EVC2: variants seen among roughly 807,000 people sequenced by gnomAD.
EVC2 encodes limbin.
In EVC2, 148 loss-of-function variants were observed where a neutral mutation model predicts 149.3. The ratio of observed to expected loss-of-function variants is 0.99; its 90% CI spans 0.87 to 1.14. EVC2 has a LOEUF of 1.14. Ranked by LOEUF, EVC2 falls within the 50% of genes most tolerant of loss-of-function variation. EVC2 has a pLI of 0.00. For synonymous variants in EVC2, 776 were observed against 649.9 expected (o/e 1.19, Z -2.95); for missense variants, 1,854 against 1,627.3 (o/e 1.14, Z -2.40).
chr4:5,595,763 C>G (rs948787893), intron 16 of EVC2, among the ~76,000 whole-genome samples: 4 of 152,188 alleles, frequency 2.6e-5, no homozygotes, highest in Non-Finnish European at 4.4e-5. Flanking sequence ...AATTAAAAGA[C>G]ACAGACTGGC....
chr4:5,554,223 C>T (rs534598095), intron 21 of EVC2, among the ~76,000 whole-genome samples: 129 of 152,234 alleles, frequency 8.5e-4, no homozygotes, highest in African/African-American at 2.8e-3. Context: ...CAAAGCCAAC[C>T]ACTACCTCCA....
chr4:5,634,804 T>C (rs1264290588), intron 10 of EVC2, among the ~76,000 whole-genome samples: 1 of 151,906 alleles, frequency 6.6e-6, no homozygotes, highest in Non-Finnish European at 1.5e-5. Context: ...GGAGGTCATG[T>C]TTCCAAATGA....
At position 5,631,937 on chromosome 4, in the gene EVC2, A is replaced by T; in HGVS notation, c.1566T>A (p.Phe522Leu). The T allele has an allele frequency of 6.2e-7, 1 of 1,614,154 alleles. No individual in the cohort carries two copies. Among genetic ancestry groups the T allele is most frequent in the Non-Finnish European group, 8.5e-7 (1 of 1,180,012 alleles). ...KSLALQQEEDFAKAHRQLAVF... is the reference protein window; with the variant it reads ...KSLALQQEEDLAKAHRQLAVF... ...CAGCCAGCTGTCTGTGAGCTTTGGC[A>T]AAGTCTTCTTCTTGTTGCAAAGCGA... The change falls in exon 11 of 22, where the codon TTT becomes TTA. Residue 522 changes from phenylalanine (F) to leucine (L), a missense_variant. Phe to Leu is a conservative substitution (Grantham distance 22). Transcript: ENST00000344408.
chr4:5,541,527 C>T (rs544903654), downstream of EVC2, among the ~76,000 whole-genome samples: 28 of 152,292 alleles, frequency 1.8e-4, no homozygotes, highest in South Asian at 4.4e-3. Context: ...TTTGAAAGCA[C>T]GTGGCTTCCT....
At chr4:5,708,699 G>T (rs971721809), upstream of EVC2, 13 of 470,044 alleles carry the variant, frequency 2.8e-5, no homozygotes, top group Admixed American at 5.3e-4. Flanking sequence ...GAGGGGGAGA[G>T]CGAGTTGGCG....
intron 2 of EVC2, among the ~76,000 whole-genome samples, chr4:5,695,444 A>G (rs905779437): frequency 3.9e-5 from 6 of 152,192 alleles, no homozygotes; most frequent in Non-Finnish European, 8.8e-5. Context: ...TTGTGTGCAA[A>G]GCACAGGAAT....
At chr4:5,611,591 G>T (rs1217778468) in intron 16 of EVC2, among the ~76,000 whole-genome samples, 3 of 151,862 alleles carry the variant, frequency 2.0e-5, no homozygotes, top group Non-Finnish European at 4.4e-5. Flanking sequence ...AAAAACTAAA[G>T]AATAATTGAA....
rs1221185345 is a variant in EVC2, at chr4:5,708,362, TGGGGATCCCG to T, written c.142_151del (p.Asp49TrpfsTer9). The T allele has an allele frequency of 2.0e-6, 3 of 1,488,002 alleles. No individual in the cohort carries two copies. The highest frequency in any genetic ancestry group is 2.7e-6 in the Non-Finnish European group (3 of 1,125,656). The allele number at this position is 1,488,002 out of a possible 1,614,324, so 92.2% of individuals were successfully genotyped here. On this transcript the variant is annotated frameshift_variant, in exon 1 of 22. Coordinates refer to ENST00000344408, the MANE Select transcript of EVC2 (RefSeq NM_147127.5). LOFTEE classifies it high-confidence loss of function. ...GCCGGGCCCAGACCTAGGAGCCACC[TGGGGATCCCG>T]GGGTGGCTGCGCGCCGAGGGGGCGC...
chr4:5,674,165 G>A (rs1442395478), intron 7 of EVC2, among the ~76,000 whole-genome samples: 4 of 152,190 alleles, frequency 2.6e-5, no homozygotes, highest in Non-Finnish European at 4.4e-5. Flanking sequence ...GGGCAGCCCT[G>A]AGGGCAAAGA....
At chr4:5,616,848 A>T (rs753528030) in intron 15 of EVC2, among the ~76,000 whole-genome samples, 31 of 152,288 alleles carry the variant, frequency 2.0e-4, no homozygotes, top group Non-Finnish European at 3.2e-4. Context: ...CAGTGGCCAC[A>T]GCCATTTCCA....
At chr4:5,678,467 G>C (rs1167040718) in intron 7 of EVC2, among the ~76,000 whole-genome samples, 2 of 152,160 alleles carry the variant, frequency 1.3e-5, no homozygotes, top group Non-Finnish European at 2.9e-5. Context: ...ATTTTGCTTT[G>C]TATCTTTTCA....
intron 10 of EVC2, among the ~76,000 whole-genome samples, chr4:5,634,103 T>C (rs1716735881): frequency 6.6e-6 from 1 of 152,224 alleles, no homozygotes; most frequent in African/African-American, 2.4e-5. Context: ...AGTCAAAGGC[T>C]TTTATGTGCA....
intron 11 of EVC2, 78 bp downstream of exon 11, chr4:5,631,715 T>C: frequency 1.3e-6 from 2 of 1,584,870 alleles, no homozygotes; most frequent in Non-Finnish European, 1.7e-6. Context: ...GAGGCAGGAC[T>C]GAACTCTGAG....
At chr4:5,580,965 G>A (rs1711714622) in intron 17 of EVC2, among the ~76,000 whole-genome samples, 1 of 152,096 alleles carries the variant, frequency 6.6e-6, no homozygotes. Context: ...AAACTGTGTA[G>A]CACCTCCTCC....
chr4:5,640,686 T>C lies in EVC2; in HGVS notation c.1298A>G (p.Lys433Arg). ...QVERKMSAVF[K>R]KQFLLLENEI... is the part of the protein sequence containing the mutation. ...ATTTTCCAGCAATAGAAACTGCTTT[T>C]TGAAAACAGCACTCATTTTTCTCTC... is the stretch of plus-strand genomic sequence containing the variant. The change falls in exon 10 of 22, where the codon AAA (lysine) becomes AGA (arginine). Residue 433 changes from lysine to arginine, a missense_variant. Transcript: ENST00000344408. This position sits in a 1 kb window ranked among gnomAD's most constrained non-coding sequence, Gnocchi z 4.6. The C allele has an allele frequency of 1.2e-6, 2 of 1,614,158 alleles. No individual in the cohort carries two copies. The highest frequency in any genetic ancestry group is 1.7e-6 in the Non-Finnish European group (2 of 1,180,022).
intron 16 of EVC2, among the ~76,000 whole-genome samples, chr4:5,591,895 C>G (rs1240074393): frequency 6.6e-6 from 1 of 152,104 alleles, no homozygotes; most frequent in African/African-American, 2.4e-5. Context: ...ACTCTTTAAA[C>G]GAGAAGTTCA....
At position 5,638,400 on chromosome 4, in the gene EVC2, A is replaced by AC. The variant is rs72000428; in HGVS notation, c.1470+2113_1470+2114insG. Among the ~76,000 whole-genome samples the AC allele has an allele frequency of 3.4e-4, 51 of 151,860 alleles. No homozygotes were observed. The East Asian group carries it at 8.0e-3, about 24-fold the overall frequency. On this transcript the variant is annotated intron_variant, in intron 10 of 21. Coordinates refer to ENST00000344408, the MANE Select transcript of EVC2 (RefSeq NM_147127.5). ...TGAGACTCTATCTCAAAAAACAAAA[A>AC]AAAAAAAATTGTAACAGATTTAGGA...
At chr4:5,706,286 C>T (rs932099660) in intron 1 of EVC2, among the ~76,000 whole-genome samples, 2 of 57,854 alleles carry the variant, frequency 3.5e-5, no homozygotes, top group East Asian at 6.3e-4. Context: ...AGCAAAGGTG[C>T]AATAAATATA....
chr4:5,544,743 CTG>C (rs1721581126), intron 21 of EVC2, among the ~76,000 whole-genome samples: 1 of 152,164 alleles, frequency 6.6e-6, no homozygotes, highest in South Asian at 2.1e-4. Flanking sequence ...GTTACCAATA[CTG>C]TGGGGAAAAC....
Sources: gnomAD v4.1 joint callset for allele counts (sites outside exome capture counted in the v4.1 genomes callset) on GRCh38, gnomAD v4.1.1 for gene constraint, Gnocchi (gnomAD v3.1) non-coding constraint, MANE v1.5 for transcripts, NCBI Gene and HGNC (gene_info 2026-07-23, HGNC 2026-07-21) for gene names.